UBE2G1: variants seen among roughly 807,000 people sequenced by gnomAD.
The protein encoded by UBE2G1 is ubiquitin conjugating enzyme E2 G1.
UBE2G1 carries 5 observed loss-of-function variants against 22.7 expected under a neutral mutation model. The ratio of observed to expected loss-of-function variants is 0.22; its 90% CI spans 0.12 to 0.46. UBE2G1 has a LOEUF of 0.46. UBE2G1 is among the 20% of genes least tolerant of loss of function. The pLI is 0.99. For missense variants in UBE2G1, 88 were observed against 203.9 expected (o/e 0.43, Z 3.46); for synonymous variants, 74 against 67.5 (o/e 1.10, Z -0.47).
intron 4 of UBE2G1, among the ~76,000 whole-genome samples, chr17:4,284,973 G>C (rs1221262216): frequency 6.6e-6 from 1 of 151,288 alleles, no homozygotes; most frequent in Non-Finnish European, 1.5e-5. Context: ...AGCCTCCGAA[G>C]CGTCTAGGAC....
intron 1 of UBE2G1, among the ~76,000 whole-genome samples, chr17:4,328,002 T>C (rs1969521815): frequency 6.6e-6 from 1 of 151,706 alleles, no homozygotes; most frequent in South Asian, 2.1e-4. Context: ...GCTTCTCCTG[T>C]GAAAGGCCCA....
chr17:4,357,072 C>T (rs1597267795), intron 1 of UBE2G1, among the ~76,000 whole-genome samples: 1 of 152,102 alleles, frequency 6.6e-6, no homozygotes, highest in East Asian at 1.9e-4. Flanking sequence ...CCACCCCTGC[C>T]CCATCGGCAT....
intron 2 of UBE2G1, among the ~76,000 whole-genome samples, chr17:4,298,235 A>T (rs897394182): frequency 3.6e-4 from 55 of 152,288 alleles, no homozygotes; most frequent in African/African-American, 1.3e-3. Context: ...TGAGGGGGGA[A>T]GGATCCCTTC....
At chr17:4,329,447 A>C (rs1969542875) in intron 1 of UBE2G1, among the ~76,000 whole-genome samples, 1 of 151,680 alleles carries the variant, frequency 6.6e-6, no homozygotes, top group South Asian at 2.1e-4. Flanking sequence ...GGTCTCAACT[A>C]CTGGGGAGGC....
At chr17:4,334,419 C>T (rs1290203545) in intron 1 of UBE2G1, among the ~76,000 whole-genome samples, 1 of 152,128 alleles carries the variant, frequency 6.6e-6, no homozygotes, top group East Asian at 1.9e-4. Context: ...ATATTTCATG[C>T]CATTAATAAA....
At chr17:4,284,295 A>C (rs2143686835) in intron 4 of UBE2G1, among the ~76,000 whole-genome samples, 1 of 152,046 alleles carries the variant, frequency 6.6e-6, no homozygotes, top group Non-Finnish European at 1.5e-5. Context: ...TATACTGAAG[A>C]ATACTATAAT....
chr17:4,353,960 GGT>G (rs1969876345), intron 1 of UBE2G1, among the ~76,000 whole-genome samples: 1 of 151,700 alleles, frequency 6.6e-6, no homozygotes, highest in South Asian at 2.1e-4. Flanking sequence ...TGGGATTACA[GGT>G]GTGAGTCACT....
At chr17:4,332,112 T>A (rs1969585593) in intron 1 of UBE2G1, among the ~76,000 whole-genome samples, 1 of 152,224 alleles carries the variant, frequency 6.6e-6, no homozygotes, top group African/African-American at 2.4e-5. Flanking sequence ...TTGGGTTTTT[T>A]AAAGCTAAGT....
chr17:4,347,528 G>T (rs1446144017), intron 1 of UBE2G1, among the ~76,000 whole-genome samples: 2 of 140,424 alleles, frequency 1.4e-5, no homozygotes, highest in African/African-American at 5.4e-5. Context: ...AGACTGGAGT[G>T]CAGTGGCACA....
chr17:4,305,827 C>T (rs1969243180), intron 2 of UBE2G1, among the ~76,000 whole-genome samples: 1 of 152,164 alleles, frequency 6.6e-6, no homozygotes, highest in African/African-American at 2.4e-5. Flanking sequence ...CAGGCGTGAG[C>T]CAACGCACCA....
At chr17:4,305,097 CAT>C (rs1969233966) in intron 2 of UBE2G1, among the ~76,000 whole-genome samples, 1 of 151,936 alleles carries the variant, frequency 6.6e-6, no homozygotes, top group African/African-American at 2.4e-5. Context: ...GGATTACAGG[CAT>C]ATGCCACCTC....
At chr17:4,333,586 C>G (rs1368852907) in intron 1 of UBE2G1, among the ~76,000 whole-genome samples, 1 of 152,106 alleles carries the variant, frequency 6.6e-6, no homozygotes, top group East Asian at 1.9e-4. Flanking sequence ...CTTTGGGAGG[C>G]TGAGGCGGGT....
chr17:4,336,842 G>A (rs964493829), intron 1 of UBE2G1, among the ~76,000 whole-genome samples: 1 of 152,114 alleles, frequency 6.6e-6, no homozygotes, highest in African/African-American at 2.4e-5. Flanking sequence ...ATCATTTCCT[G>A]AAAGATCAAA....
rs536614428 is a variant in UBE2G1 at position 4,289,425 on chromosome 17, G to A, written c.248-17C>T. 2.0e-5 allele frequency: 30 copies of A among 1,464,196 alleles called. No individual in the cohort carries two copies. The South Asian group carries it at 4.2e-4, about 21-fold the overall frequency. The allele number at this position is 1,464,196 out of a possible 1,614,324, so 90.7% of individuals were successfully genotyped here. ...TTTTATCAACTGCAAAATTCAAGAA[G>A]AGGCTTGTTTCATATATTACTAATT... On this transcript the variant is annotated splice_polypyrimidine_tract_variant and intron_variant, in intron 3 of 5. Transcript: ENST00000396981.
At chr17:4,281,824 G>C (rs1968895775) in intron 5 of UBE2G1, among the ~76,000 whole-genome samples, 1 of 152,130 alleles carries the variant, frequency 6.6e-6, no homozygotes, top group Admixed American at 6.5e-5. Context: ...CTATAGAAAT[G>C]ATCCCTGAAA....
intron 1 of UBE2G1, among the ~76,000 whole-genome samples, chr17:4,308,079 C>T (rs578184834): frequency 1.4e-3 from 208 of 152,286 alleles, no homozygotes; most frequent in Non-Finnish European, 2.4e-3. Context: ...TTTGGCCGGG[C>T]GTGGTGGCTC....
At position 4,366,646 on chromosome 17, in the gene UBE2G1, AG is replaced by A; in HGVS notation, c.-331del. The A allele has an allele frequency of 4.0e-6, 1 of 252,680 alleles. No individual in the cohort carries two copies. The highest frequency in any genetic ancestry group is 1.2e-3 in the Middle Eastern group (1 of 860). The allele number at this position is 252,680 out of a possible 1,614,324, so 15.7% of individuals were successfully genotyped here. ...CCCCCGCCACTGCCTCACTGCGCGC[AG>A]GGCCGCTCGGCGCAGGCGCGCTGAG... On this transcript the variant is annotated 5_prime_UTR_variant, in exon 1 of 6. Transcript: ENST00000396981.
rs1036558990 is a variant in UBE2G1, at chr17:4,269,487, T to C, written c.*3067A>G. On this transcript the variant is annotated 3_prime_UTR_variant, in exon 6 of 6. Coordinates refer to ENST00000396981, the MANE Select transcript of UBE2G1 (RefSeq NM_003342.5). ...CAACTGGAGACCAGACGGGCAAAGA[T>C]ACACAGGCACCACAGCCCAAAGCGG... 1 of 185,190 alleles carries C rather than the reference T, an allele frequency of 5.4e-6. No individual in the cohort carries two copies. The highest frequency in any genetic ancestry group is 2.4e-5 in the African/African-American group (1 of 41,550). 11.5% of individuals were successfully genotyped at this position (185,190 alleles called of 1,614,324 possible).
intron 1 of UBE2G1, among the ~76,000 whole-genome samples, chr17:4,351,216 G>A (rs1333277954): frequency 6.6e-6 from 1 of 151,950 alleles, no homozygotes; most frequent in Non-Finnish European, 1.5e-5. Flanking sequence ...AAGAGAAACT[G>A]AATGCAGGGT....
Sources: allele counts gnomAD v4.1 joint callset (sites outside exome capture counted in the v4.1 genomes callset), GRCh38; gene constraint gnomAD v4.1.1; transcripts MANE v1.5; gene names NCBI Gene and HGNC (gene_info 2026-07-23, HGNC 2026-07-21).